The following PDLIM5 variants were observed in gnomAD, a reference collection of about 807,000 sequenced individuals.
PDLIM5 encodes the protein PDZ and LIM domain 5, also known as PDZ and LIM domain protein 5.
PDLIM5 carries 34 observed loss-of-function variants against 64.2 expected under a neutral mutation model. The ratio of observed to expected loss-of-function variants is 0.53; its 90% CI spans 0.40 to 0.71. The LOEUF (loss-of-function observed/expected upper bound fraction) is 0.71. PDLIM5 is among the 30% of genes least tolerant of loss of function. The probability of loss-of-function intolerance (pLI) is 0.00; values close to 1 mark genes in which losing one functional copy is unlikely to be tolerated. For missense variants in PDLIM5, 683 were observed against 733.6 expected (o/e 0.93, Z 0.80); for synonymous variants, 253 against 269.1 (o/e 0.94, Z 0.59).
intron 9 of PDLIM5, among the ~76,000 whole-genome samples, chr4:94,648,544 C>T (rs1257239921): frequency 2.0e-5 from 3 of 152,172 alleles, no homozygotes; most frequent in African/African-American, 7.2e-5. Context: ...AAGTGATCCG[C>T]CCGTCTCGGC....
chr4:94,505,149 G>A (rs559092229), intron 2 of PDLIM5, among the ~76,000 whole-genome samples: 5 of 152,142 alleles, frequency 3.3e-5, no homozygotes, highest in African/African-American at 2.4e-5. Flanking sequence ...GACACCAGCC[G>A]GGTGTACTGC....
At chr4:94,552,046 G>A (rs554842575) in intron 3 of PDLIM5, among the ~76,000 whole-genome samples, 1 of 152,282 alleles carries the variant, frequency 6.6e-6, no homozygotes, top group South Asian at 2.1e-4. Context: ...TGATTTGGAA[G>A]CTTACTTAAT....
chr4:94,459,407 A>ATAACAAACCAAGT (rs1560629058), intron 2 of PDLIM5, among the ~76,000 whole-genome samples: 2 of 152,350 alleles, frequency 1.3e-5, no homozygotes, highest in East Asian at 3.9e-4. Flanking sequence ...GGGAGGATAA[A>ATAACAAACCAAGT]TTGTTATAAG....
intron 7 of PDLIM5, among the ~76,000 whole-genome samples, chr4:94,605,411 C>A (rs1313470145): frequency 6.6e-6 from 1 of 152,082 alleles, no homozygotes; most frequent in East Asian, 1.9e-4. Context: ...GAAAAGCAAG[C>A]CAAAAGGGAA....
At chr4:94,601,498 T>A (rs1346262987) in intron 7 of PDLIM5, among the ~76,000 whole-genome samples, 1 of 152,222 alleles carries the variant, frequency 6.6e-6, no homozygotes, top group African/African-American at 2.4e-5. Flanking sequence ...TGTTTGCCTA[T>A]CTTTTCCTTG....
intron 3 of PDLIM5, among the ~76,000 whole-genome samples, chr4:94,544,844 T>A (rs1288202583): frequency 6.6e-6 from 1 of 152,200 alleles, no homozygotes; most frequent in African/African-American, 2.4e-5. Context: ...CTTTTGCTAC[T>A]GCTTAGGTAA....
intron 3 of PDLIM5, among the ~76,000 whole-genome samples, chr4:94,555,621 A>G (rs1733224981): frequency 6.6e-6 from 1 of 152,126 alleles, no homozygotes; most frequent in African/African-American, 2.4e-5. Flanking sequence ...CAGAATAGTG[A>G]GATAAATTGT....
rs116133441 is a variant in PDLIM5, at chr4:94,606,206, A to C, written c.921-11798A>C. Among the ~76,000 whole-genome samples, 4 of 152,348 alleles carry C rather than the reference A, an allele frequency of 2.6e-5. No homozygotes were observed. The South Asian group carries it at 8.3e-4, about 32-fold the overall frequency. ...TTACACTTCATGTATATCAGTAACTATTGGTATCAGGGAGCTTCTAGTCTT... is the reference window on the plus strand; with the variant it reads ...TTACACTTCATGTATATCAGTAACTCTTGGTATCAGGGAGCTTCTAGTCTT... On this transcript the variant is annotated intron_variant, in intron 7 of 12. Coordinates refer to ENST00000317968, the MANE Select transcript of PDLIM5 (RefSeq NM_006457.5).
intron 7 of PDLIM5, among the ~76,000 whole-genome samples, chr4:94,593,725 C>G (rs544437661): frequency 1.3e-5 from 2 of 152,068 alleles, no homozygotes; most frequent in African/African-American, 4.8e-5. Flanking sequence ...GGATACAGTT[C>G]GGTCCATAAC....
intron 2 of PDLIM5, among the ~76,000 whole-genome samples, chr4:94,503,312 C>T (rs927563977): frequency 2.0e-5 from 3 of 152,088 alleles, no homozygotes; most frequent in South Asian, 2.1e-4. Flanking sequence ...TGGTGTACTC[C>T]GATTTGAAAT....
At chr4:94,599,660 A>G (rs1409384968) in intron 7 of PDLIM5, among the ~76,000 whole-genome samples, 1 of 152,180 alleles carries the variant, frequency 6.6e-6, no homozygotes, top group Admixed American at 6.5e-5. Flanking sequence ...GTGATTGTGC[A>G]TGATTATTGA....
intron 2 of PDLIM5, among the ~76,000 whole-genome samples, chr4:94,493,733 A>G (rs1727078662): frequency 6.6e-6 from 1 of 152,132 alleles, no homozygotes; most frequent in South Asian, 2.1e-4. Context: ...ATATTTTTTG[A>G]TAATTATTGC....
intron 2 of PDLIM5, among the ~76,000 whole-genome samples, chr4:94,462,800 A>G (rs987156302): frequency 1.1e-4 from 16 of 152,190 alleles, no homozygotes. Flanking sequence ...TACCTATGCT[A>G]GCCTAAGTTT....
At chr4:94,586,263 T>C (rs1736186807) in intron 6 of PDLIM5, 145 bp from the exon 7 acceptor site, 1 of 569,124 alleles carries the variant, frequency 1.8e-6, no homozygotes, top group Admixed American at 3.0e-5. Context: ...CTATAGTTTA[T>C]GGCCAATAAC....
intron 7 of PDLIM5, among the ~76,000 whole-genome samples, chr4:94,615,945 A>AT (rs959089075): frequency 2.6e-5 from 4 of 152,160 alleles, no homozygotes; most frequent in African/African-American, 9.7e-5. Context: ...CTGGGCTACT[A>AT]TTACCAGTTC....
At chr4:94,632,528 G>A (rs1010738480) in intron 8 of PDLIM5, among the ~76,000 whole-genome samples, 2 of 152,156 alleles carry the variant, frequency 1.3e-5, no homozygotes, top group African/African-American at 2.4e-5. Context: ...AAAAATTACT[G>A]TGTTGGGAGA....
intron 2 of PDLIM5, among the ~76,000 whole-genome samples, chr4:94,522,035 G>A (rs914060614): frequency 1.3e-5 from 2 of 152,148 alleles, no homozygotes; most frequent in Non-Finnish European, 2.9e-5. Flanking sequence ...ATGTAACTTT[G>A]TATAGGTGGC....
chr4:94,557,937 C>T (rs1315435174), intron 3 of PDLIM5, among the ~76,000 whole-genome samples: 1 of 152,120 alleles, frequency 6.6e-6, no homozygotes, highest in African/African-American at 2.4e-5. Context: ...GAACTTCCAA[C>T]ACTATGTTGA....
At chr4:94,582,936 A>T (rs1735855370) in intron 5 of PDLIM5, 1 of 511,918 alleles carries the variant, frequency 2.0e-6, no homozygotes, top group Non-Finnish European at 3.4e-6. Flanking sequence ...CACTTCTGTA[A>T]TGAAAAACTT....
Sources: allele counts gnomAD v4.1 joint callset (sites outside exome capture counted in the v4.1 genomes callset), GRCh38; gene constraint gnomAD v4.1.1; transcripts MANE v1.5; gene names NCBI Gene and HGNC (gene_info 2026-07-23, HGNC 2026-07-21).